ROBO1: variants seen among roughly 807,000 people sequenced by gnomAD.
ROBO1 encodes roundabout homolog 1.
A neutral mutation model predicts 195.9 loss-of-function variants in ROBO1; 149 were observed. The observed-to-expected ratio is 0.76, with a 90% CI of 0.67 to 0.87. The LOEUF (loss-of-function observed/expected upper bound fraction) is 0.87. Ranked by LOEUF, ROBO1 falls within the 40% of genes least tolerant of loss-of-function variation. ROBO1 has a pLI of 0.00. For missense variants in ROBO1, 1,933 were observed against 2,068.3 expected (o/e 0.93, Z 1.27); for synonymous variants, 816 against 733.2 (o/e 1.11, Z -1.82).
intron 3 of ROBO1, among the ~76,000 whole-genome samples, chr3:79,034,768 T>C (rs1264139361): frequency 6.6e-6 from 1 of 152,134 alleles, no homozygotes; most frequent in East Asian, 1.9e-4. Context: ...TAAAATGGAA[T>C]ACATAAGTTT....
chr3:79,227,271 A>T (rs2082242249), intron 2 of ROBO1, among the ~76,000 whole-genome samples: 1 of 152,102 alleles, frequency 6.6e-6, no homozygotes, highest in Non-Finnish European at 1.5e-5. Context: ...AACCATTTTA[A>T]GGTGGGAGTT....
chr3:79,646,233 TA>T (rs886753601), intron 1 of ROBO1, among the ~76,000 whole-genome samples: 2 of 151,918 alleles, frequency 1.3e-5, no homozygotes, highest in Non-Finnish European at 2.9e-5. Context: ...ATAATTTGAT[TA>T]AAAAAATGGA....
chr3:79,334,034 G>A (rs956912726), intron 2 of ROBO1, among the ~76,000 whole-genome samples: 25 of 152,026 alleles, frequency 1.6e-4, no homozygotes, highest in Non-Finnish European at 8.8e-5. Flanking sequence ...GGCTGGGTGT[G>A]GTGGCTCACG....
chr3:78,823,445 G>A (rs1323866609), intron 4 of ROBO1, among the ~76,000 whole-genome samples: 2 of 152,230 alleles, frequency 1.3e-5, no homozygotes, highest in African/African-American at 2.4e-5. Flanking sequence ...GGAAGACAGG[G>A]AACAATATCA....
chr3:78,935,668 A>C (rs1450694531), intron 4 of ROBO1, among the ~76,000 whole-genome samples: 1 of 152,074 alleles, frequency 6.6e-6, no homozygotes, highest in Non-Finnish European at 1.5e-5. Context: ...TTGAAATTGA[A>C]TTAGACAAAT....
At chr3:78,731,250 GA>G in intron 5 of ROBO1, among the ~76,000 whole-genome samples, 1 of 152,146 alleles carries the variant, frequency 6.6e-6, no homozygotes, top group Non-Finnish European at 1.5e-5. Flanking sequence ...TAAGGGATAT[GA>G]GTGTTTTATA....
chr3:78,648,191 A>G (rs1185678317), intron 19 of ROBO1, among the ~76,000 whole-genome samples: 3 of 152,180 alleles, frequency 2.0e-5, no homozygotes, highest in Middle Eastern at 6.8e-3. Context: ...CAAACACAAC[A>G]CAAGTAAAGG....
intron 2 of ROBO1, among the ~76,000 whole-genome samples, chr3:79,575,281 TATAA>T (rs1943434656): frequency 7.9e-6 from 1 of 125,962 alleles, no homozygotes; most frequent in South Asian, 2.3e-4. Flanking sequence ...CAAATATATA[TATAA>T]ATATATATAA....
chr3:79,557,296 G>A (rs893743608), intron 2 of ROBO1, among the ~76,000 whole-genome samples: 3 of 152,014 alleles, frequency 2.0e-5, no homozygotes, highest in African/African-American at 7.2e-5. Context: ...TTAATTTAAT[G>A]TCTCTTATTT....
intron 2 of ROBO1, among the ~76,000 whole-genome samples, chr3:79,546,969 C>T (rs1246274063): frequency 6.6e-6 from 1 of 151,944 alleles, no homozygotes; most frequent in South Asian, 2.1e-4. Flanking sequence ...ATCACGAGGT[C>T]AGGAGATCAA....
chr3:78,746,799 T>G lies in ROBO1; in HGVS notation c.601A>C (p.Thr201Pro), dbSNP rs1317086965. ...GAGCCATCTTTCTTCCATGAAATGG[T>G]GGGCTCAGGATGGCCTCGTGGAGGT... is the stretch of plus-strand genomic sequence containing the variant. ...CQPPRGHPEP[T>P]ISWKKDGSPL... The change falls in exon 5 of 31, where the codon ACC becomes CCC. Residue 201 changes from threonine (T) to proline (P), a missense_variant. Thr to Pro is a conservative substitution (Grantham distance 38, BLOSUM62 -1). This residue lies in a region of ROBO1 where 1,737 missense variants were observed against 1,882.5 expected (regional missense o/e 0.92). Transcript: ENST00000464233. 1 of 1,585,536 alleles carries G rather than the reference T, an allele frequency of 6.3e-7. No individual in the cohort carries two copies. Among genetic ancestry groups the G allele is most frequent in the African/African-American group, 1.3e-5 (1 of 74,594 alleles).
intron 2 of ROBO1, among the ~76,000 whole-genome samples, chr3:79,557,689 C>G (rs374644717): frequency 7.8e-6 from 1 of 127,402 alleles, no homozygotes; most frequent in African/African-American, 3.4e-5. Flanking sequence ...CCCGAGATCG[C>G]GCCACTGCAC....
intron 14 of ROBO1, among the ~76,000 whole-genome samples, chr3:78,665,902 T>C (rs941458341): frequency 5.3e-5 from 8 of 152,100 alleles, no homozygotes; most frequent in Admixed American, 2.6e-4. Flanking sequence ...GGATTCATTA[T>C]ACTTAGAGTG....
chr3:78,852,971 A>G (rs1230679593), intron 4 of ROBO1, among the ~76,000 whole-genome samples: 4 of 152,200 alleles, frequency 2.6e-5, no homozygotes, highest in Non-Finnish European at 4.4e-5. Context: ...AGAAGGTGGC[A>G]TTAAAAACTG....
intron 4 of ROBO1, among the ~76,000 whole-genome samples, chr3:78,757,083 G>A (rs942459692): frequency 6.6e-6 from 1 of 152,048 alleles, no homozygotes; most frequent in African/African-American, 2.4e-5. Flanking sequence ...GTAGAGACAG[G>A]GTTTCGCAAT....
intron 1 of ROBO1, among the ~76,000 whole-genome samples, chr3:79,765,391 G>C (rs1045545320): frequency 6.6e-6 from 1 of 152,076 alleles, no homozygotes; most frequent in African/African-American, 2.4e-5. Flanking sequence ...CCTTTTTTTG[G>C]GGGGTGGGGG....
intron 1 of ROBO1, among the ~76,000 whole-genome samples, chr3:79,756,845 T>C (rs1395904941): frequency 6.6e-6 from 1 of 152,176 alleles, no homozygotes; most frequent in East Asian, 1.9e-4. Flanking sequence ...CTGACCACCA[T>C]TCTACTTTGT....
chr3:79,216,073 A>G (rs1019241829), intron 2 of ROBO1, among the ~76,000 whole-genome samples: 1 of 152,136 alleles, frequency 6.6e-6, no homozygotes, highest in Non-Finnish European at 1.5e-5. Context: ...CTCATCACAA[A>G]TTCTCCTTTA....
chr3:79,515,193 T>C (rs1424120176), intron 2 of ROBO1, among the ~76,000 whole-genome samples: 1 of 152,158 alleles, frequency 6.6e-6, no homozygotes, highest in East Asian at 1.9e-4. Flanking sequence ...AAACCAGTGC[T>C]CATGCATTAT....
Sources: allele counts gnomAD v4.1 joint callset (sites outside exome capture counted in the v4.1 genomes callset), GRCh38; gene constraint gnomAD v4.1.1; regional missense constraint gnomAD v4.1.1; transcripts MANE v1.5; gene names NCBI Gene and HGNC (gene_info 2026-07-23, HGNC 2026-07-21).